The following TSPAN5 variants were observed in gnomAD, a reference collection of about 807,000 sequenced individuals.
TSPAN5 encodes the protein tetraspanin 5.
Under a neutral mutation model 37.1 loss-of-function variants are expected in TSPAN5, and 10 were observed. The observed-to-expected ratio is 0.27, with a 90% CI of 0.17 to 0.46. The LOEUF (loss-of-function observed/expected upper bound fraction) is 0.46, where lower values mean the gene tolerates loss of function less well. Ranked by LOEUF, TSPAN5 falls within the 20% of genes least tolerant of loss-of-function variation. The pLI is 1.00. For synonymous variants in TSPAN5, 110 were observed against 118.9 expected, an observed-to-expected ratio of 0.93 and a Z score of 0.48; for missense variants, 195 against 326.6, an observed-to-expected ratio of 0.60 and a Z score of 3.11.
chr4:98,589,776 G>A (rs531980289), intron 1 of TSPAN5, among the ~76,000 whole-genome samples: 149 of 152,210 alleles, frequency 9.8e-4, no homozygotes, highest in Admixed American at 2.6e-3. Flanking sequence ...TCTGACCAAC[G>A]CGTAAAATGT....
chr4:98,617,008 A>G (rs893552516), intron 1 of TSPAN5, among the ~76,000 whole-genome samples: 4 of 151,704 alleles, frequency 2.6e-5, no homozygotes, highest in Non-Finnish European at 5.9e-5. Context: ...TATTTTTTGT[A>G]GAGACTGGGT....
chr4:98,526,499 A>G (rs1341096909), intron 1 of TSPAN5, among the ~76,000 whole-genome samples: 1 of 152,212 alleles, frequency 6.6e-6, no homozygotes, highest in Non-Finnish European at 1.5e-5. Flanking sequence ...ACATCTTGCT[A>G]TGTTCACAGG....
chr4:98,586,729 G>A (rs1579010921), intron 1 of TSPAN5, among the ~76,000 whole-genome samples: 1 of 152,336 alleles, frequency 6.6e-6, no homozygotes, highest in African/African-American at 2.4e-5. Flanking sequence ...GAAAGGAGAG[G>A]GGGTCCTGAA....
chr4:98,575,774 A>C (rs1035378084), intron 1 of TSPAN5, among the ~76,000 whole-genome samples: 119 of 115,696 alleles, frequency 1.0e-3, no homozygotes, highest in African/African-American at 3.3e-3. Flanking sequence ...CACCCCACAA[A>C]AAAAAAAAAA....
intron 1 of TSPAN5, among the ~76,000 whole-genome samples, chr4:98,587,890 A>C (rs936960246): frequency 2.7e-5 from 4 of 145,868 alleles, no homozygotes; most frequent in Non-Finnish European, 6.0e-5. Flanking sequence ...TCCGTCTCAA[A>C]AACAGCAACA....
Position 98,472,183 on chromosome 4 carries a change from C to T in TSPAN5, c.*339G>A, listed in dbSNP as rs15746. On this transcript the variant is annotated 3_prime_UTR_variant, in exon 8 of 8. Transcript: ENST00000305798. Reference sequence around the variant, plus strand: ...GCTGCCTCTCCCAGCCCTCCAATTACGGAAGATGAGGACAAGAATGTATTT... The same window carrying T: ...GCTGCCTCTCCCAGCCCTCCAATTATGGAAGATGAGGACAAGAATGTATTT... The T allele has an allele frequency of 2.2e-3, 419 of 190,018 alleles. No homozygotes were observed. The highest frequency in any genetic ancestry group is 7.4e-3 in the African/African-American group (316 of 42,828). The allele number at this position is 190,018 out of a possible 1,614,324, so 11.8% of individuals were successfully genotyped here.
At chr4:98,503,305 C>T (rs1753398285) in intron 2 of TSPAN5, among the ~76,000 whole-genome samples, 1 of 152,004 alleles carries the variant, frequency 6.6e-6, no homozygotes, top group Non-Finnish European at 1.5e-5. Flanking sequence ...CTCTACAGCC[C>T]CTAAAGCTTC....
chr4:98,567,268 C>T (rs28445981), intron 1 of TSPAN5, among the ~76,000 whole-genome samples: 4,536 of 152,220 alleles, frequency 0.03, 103 homozygotes, highest in Middle Eastern at 0.078. Flanking sequence ...TGTGGGTAGC[C>T]TCCTACAGTG....
intron 2 of TSPAN5, among the ~76,000 whole-genome samples, chr4:98,493,402 G>A (rs1753127677): frequency 1.3e-5 from 2 of 152,158 alleles, no homozygotes; most frequent in South Asian, 2.1e-4. Context: ...ATCCCATGAA[G>A]CTGAACCTAA....
intron 1 of TSPAN5, among the ~76,000 whole-genome samples, chr4:98,548,627 A>G (rs1754525817): frequency 6.6e-6 from 1 of 152,138 alleles, no homozygotes; most frequent in Non-Finnish European, 1.5e-5. Flanking sequence ...TCACCTAAAT[A>G]GTAAACTTTC....
At chr4:98,531,648 C>T (rs1316024696) in intron 1 of TSPAN5, among the ~76,000 whole-genome samples, 2 of 152,202 alleles carry the variant, frequency 1.3e-5, no homozygotes, top group Non-Finnish European at 2.9e-5. Context: ...ACACTGTCTT[C>T]CACAGTAGTT....
At chr4:98,654,185 G>A (rs1757253250) in intron 1 of TSPAN5, among the ~76,000 whole-genome samples, 1 of 152,230 alleles carries the variant, frequency 6.6e-6, no homozygotes, top group African/African-American at 2.4e-5. Context: ...ACAACTGTAT[G>A]AGACCCCAAG....
chr4:98,606,903 A>G (rs577547284), intron 1 of TSPAN5, among the ~76,000 whole-genome samples: 12 of 152,298 alleles, frequency 7.9e-5, no homozygotes, highest in African/African-American at 2.4e-4. Flanking sequence ...ATTATGTGCA[A>G]GAAGGTGAAA....
chr4:98,525,417 C>T (rs1490434712), intron 1 of TSPAN5, among the ~76,000 whole-genome samples: 3 of 152,280 alleles, frequency 2.0e-5, no homozygotes, highest in East Asian at 1.9e-4. Flanking sequence ...AGTGTCCACA[C>T]GGTCCCTGTC....
At chr4:98,610,144 C>T (rs6846265) in intron 1 of TSPAN5, among the ~76,000 whole-genome samples, 72,445 of 151,978 alleles carry the variant, frequency 0.48, 17,644 homozygotes, top group South Asian at 0.58. Flanking sequence ...CTCACAGTTA[C>T]GAAGGCTAGG....
At chr4:98,658,060 A>G in intron 1 of TSPAN5, 86 bp downstream of exon 1, 1 of 1,254,036 alleles carries the variant, frequency 8.0e-7, no homozygotes, top group Non-Finnish European at 1.2e-6. Context: ...GGGGCTGCGA[A>G]AAGTAAAGGC....
intron 1 of TSPAN5, among the ~76,000 whole-genome samples, chr4:98,535,714 G>A (rs1330696848): frequency 6.6e-6 from 1 of 152,070 alleles, no homozygotes; most frequent in East Asian, 1.9e-4. Context: ...CATATTTGTT[G>A]GAGGCTTTGC....
intron 1 of TSPAN5, among the ~76,000 whole-genome samples, chr4:98,573,634 T>C (rs1560543004): frequency 6.6e-6 from 1 of 152,256 alleles, no homozygotes; most frequent in Non-Finnish European, 1.5e-5. Flanking sequence ...AAAACTGTCA[T>C]CGAATACTAT....
chr4:98,637,125 G>C (rs1756872923), intron 1 of TSPAN5, among the ~76,000 whole-genome samples: 1 of 152,196 alleles, frequency 6.6e-6, no homozygotes, highest in African/African-American at 2.4e-5. Context: ...ACTAACAGAA[G>C]TGTCTGAAGC....
Sources: allele counts gnomAD v4.1 joint callset (sites outside exome capture counted in the v4.1 genomes callset), GRCh38; gene constraint gnomAD v4.1.1; transcripts MANE v1.5; gene names NCBI Gene and HGNC (gene_info 2026-07-23, HGNC 2026-07-21).